C9orf78: variants seen among roughly 807,000 people sequenced by gnomAD.
C9orf78 encodes splicing factor C9orf78.
C9orf78 carries 19 observed loss-of-function variants against 37.4 expected under a neutral mutation model. The ratio of observed to expected loss-of-function variants is 0.51; its 90% confidence interval spans 0.35 to 0.74. C9orf78 has a LOEUF of 0.74. C9orf78 is among the 30% of genes least tolerant of loss of function. C9orf78 has a pLI of 0.01. For missense variants in C9orf78, 291 were observed against 370.8 expected, an observed-to-expected ratio of 0.78 and a Z score of 1.77; for synonymous variants, 130 against 128.0, an observed-to-expected ratio of 1.02 and a Z score of -0.10.
At chr9:129,829,761 GC>G in intron 6 of C9orf78, 1 of 472,196 alleles carries the variant, frequency 2.1e-6, no homozygotes, top group Admixed American at 3.7e-5. Context: ...AGCAAATTGA[GC>G]TTCAGAGAAG....
chr9:129,827,387 A>C lies in C9orf78; in HGVS notation c.*774T>G, dbSNP rs1445392831. On this transcript the variant is annotated 3_prime_UTR_variant, in exon 9 of 9. Coordinates refer to ENST00000372447, the MANE Select transcript of C9orf78 (RefSeq NM_016520.3). ...ACAAACAAGTAATTTTGTAAAAGTC[A>C]GAAAACACCAGTATCCTTCTGATCT... The C allele has an allele frequency of 5.9e-5, 9 of 152,184 alleles. No individual in the cohort carries two copies. The highest frequency in any genetic ancestry group is 5.9e-4 in the Admixed American group (9 of 15,260). The allele number at this position is 152,184 out of a possible 1,614,324, so 9.4% of individuals were successfully genotyped here. A position where few individuals can be genotyped will look rare whatever the true frequency, so the allele number is the denominator to read the frequency against.
intron 1 of C9orf78, 109 bp downstream of exon 1, chr9:129,835,030 C>G (rs1336270961): frequency 7.5e-6 from 7 of 932,362 alleles, no homozygotes; most frequent in Non-Finnish European, 1.2e-5. Flanking sequence ...CAGAAGGAAC[C>G]ACCACCCGAG....
At chr9:129,831,158 G>C in intron 5 of C9orf78, 90 bp from the exon 6 acceptor site, 1 of 802,338 alleles carries the variant, frequency 1.2e-6, no homozygotes, top group African/African-American at 1.7e-5. Context: ...CTGGCCCGCA[G>C]ACCAGTGACA....
At chr9:129,832,995 ATATGTGTGTGTGTGTGTGTG>A (rs1289079177) in intron 4 of C9orf78, among the ~76,000 whole-genome samples, 3 of 141,450 alleles carry the variant, frequency 2.1e-5, no homozygotes. Flanking sequence ...GTATATATAT[ATATGTGTGTGTGTGTGTGTG>A]TATATGTGTA....
chr9:129,834,786 C>T lies in C9orf78; in HGVS notation c.84-20G>A. On this transcript the variant is annotated intron_variant, in intron 1 of 8. Transcript: ENST00000372447. Reference sequence around the variant, plus strand: ...TTTAATCTTTAAAAAGAAGAAGAAGCAGCAATGCATAAGCTGAGTGATTCC... The same window carrying T: ...TTTAATCTTTAAAAAGAAGAAGAAGTAGCAATGCATAAGCTGAGTGATTCC... 2 of 1,576,696 alleles carry T rather than the reference C, an allele frequency of 1.3e-6. No individual in the cohort carries two copies. The highest frequency in any genetic ancestry group is 8.7e-7 in the Non-Finnish European group (1 of 1,148,068).
chr9:129,828,407 TTGTC>T, intron 8 of C9orf78, 155 bp from the exon 9 acceptor site: 1 of 454,000 alleles, frequency 2.2e-6, no homozygotes, highest in Non-Finnish European at 3.7e-6. Flanking sequence ...AGATACGTAT[TTGTC>T]TTTTTTTTTT....
Position 129,829,458 on chromosome 9 carries a change from T to C in C9orf78, c.626A>G (p.Glu209Gly), listed in dbSNP as rs2031434202. ...AEQQNKKKDS[E>G]TSFVPTNMAV... is the part of the protein sequence containing the mutation. ...CATGTTGGTAGGCACGAAGGAGGTCTCGCTGTCTTTCTTCTTGTTCTGCTG... is the reference window on the plus strand; with the variant it reads ...CATGTTGGTAGGCACGAAGGAGGTCCCGCTGTCTTTCTTCTTGTTCTGCTG... Residue 209 changes from glutamate to glycine, a missense_variant, in exon 7 of 9, where the codon GAG becomes GGG. Coordinates refer to ENST00000372447, the MANE Select transcript of C9orf78 (RefSeq NM_016520.3). 1.2e-6 allele frequency: 2 copies of C among 1,614,132 alleles called. No individual in the cohort carries two copies. Among genetic ancestry groups the C allele is most frequent in the Admixed American group, 1.7e-5 (1 of 60,018 alleles).
In C9orf78 at chr9:129,828,110, G is replaced by T; in HGVS notation, c.*51C>A. The T allele has an allele frequency of 9.0e-7, 1 of 1,107,244 alleles. No individual in the cohort carries two copies. Among genetic ancestry groups the T allele is most frequent in the Non-Finnish European group, 1.4e-6 (1 of 730,634 alleles). 68.6% of individuals were successfully genotyped at this position (1,107,244 alleles called of 1,614,324 possible). ...GCCCGGCCAGGAAGCCATTTTTCATGGGAGGGATATAGGGAGAGGAAGGCG... is the reference window on the plus strand; with the variant it reads ...GCCCGGCCAGGAAGCCATTTTTCATTGGAGGGATATAGGGAGAGGAAGGCG... On this transcript the variant is annotated 3_prime_UTR_variant, in exon 9 of 9. Transcript: ENST00000372447.
In C9orf78 at chr9:129,835,275, T is replaced by C. The variant is rs1166190836; in HGVS notation, c.-54A>G. The C allele has an allele frequency of 3.7e-6, 5 of 1,340,810 alleles. No individual in the cohort carries two copies. Among genetic ancestry groups the C allele is most frequent in the Non-Finnish European group, 5.2e-6 (5 of 962,066 alleles). The allele number at this position is 1,340,810 out of a possible 1,614,324, so 83.1% of individuals were successfully genotyped here. On this transcript the variant is annotated 5_prime_UTR_variant, in exon 1 of 9. Coordinates refer to ENST00000372447, the MANE Select transcript of C9orf78 (RefSeq NM_016520.3). The stretch of plus-strand genomic sequence containing the variant: ...CGCGCCTCTGCGCAGCGGCCCAGGC[T>C]GCTTCCGGCGCGCGGCAGAGCGGTC...
At chr9:129,834,410 T>C in intron 2 of C9orf78, 1 of 384,188 alleles carries the variant, frequency 2.6e-6, no homozygotes, top group Non-Finnish European at 4.6e-6. Context: ...ACTATACTTT[T>C]CTAAATTATA....
chr9:129,829,644 T>A, intron 6 of C9orf78, 103 bp from the exon 7 acceptor site: 2 of 968,316 alleles, frequency 2.1e-6, no homozygotes, highest in Non-Finnish European at 1.6e-6. Context: ...GAAAATCATG[T>A]GTCCTGGGGC....
chr9:129,832,727 C>A (rs1347689327), intron 4 of C9orf78, among the ~76,000 whole-genome samples: 1 of 152,168 alleles, frequency 6.6e-6, no homozygotes, highest in East Asian at 1.9e-4. Flanking sequence ...GCATGAGCCA[C>A]CGCAGCTGGC....
At position 129,830,957 on chromosome 9, in the gene C9orf78, G is replaced by GT. The variant is rs763642655; in HGVS notation, c.455dup (p.Asn152LysfsTer24). On this transcript the variant is annotated frameshift_variant, in exon 6 of 9. Transcript: ENST00000372447. LOFTEE classifies it high-confidence loss of function. ...TCTTCTTTGCTGAGGAAACACGGAT[G>GT]TTTTCTGGAAGTTCATAAAGACAGT... The GT allele has an allele frequency of 3.7e-5, 59 of 1,613,404 alleles. No homozygotes were observed. Among genetic ancestry groups the GT allele is most frequent in the Non-Finnish European group, 4.8e-5 (57 of 1,179,428 alleles).
intron 2 of C9orf78, 99 bp from the exon 3 acceptor site, chr9:129,833,808 T>G: frequency 9.0e-6 from 7 of 777,558 alleles, no homozygotes; most frequent in Admixed American, 2.2e-5. Flanking sequence ...GCAACATTAG[T>G]GCAAGGGTGG....
Position 129,833,720 on chromosome 9 carries a change from C to G in C9orf78, c.144-11G>C. The G allele has an allele frequency of 6.3e-7, 1 of 1,590,570 alleles. No homozygotes were observed. Among genetic ancestry groups the G allele is most frequent in the Non-Finnish European group, 8.6e-7 (1 of 1,168,482 alleles). On this transcript the variant is annotated splice_polypyrimidine_tract_variant and intron_variant, in intron 2 of 8. Transcript: ENST00000372447. Reference sequence around the variant, plus strand: ...AGCAAGGCCACAGCACTGAGCAAAACCAAAAAAAAAAGAGAGGGGGAGAGA... The same window carrying G: ...AGCAAGGCCACAGCACTGAGCAAAAGCAAAAAAAAAAGAGAGGGGGAGAGA...
intron 8 of C9orf78, 191 bp downstream of exon 8, chr9:129,829,014 A>T: frequency 1.5e-6 from 1 of 683,630 alleles, no homozygotes; most frequent in South Asian, 1.6e-5. Flanking sequence ...GGTAGGTTCT[A>T]TTAGGATTCC....
intron 2 of C9orf78, chr9:129,834,376 T>G: frequency 3.4e-6 from 1 of 294,282 alleles, no homozygotes; most frequent in Non-Finnish European, 6.2e-6. Context: ...GATGGGAGAA[T>G]TATGGGTGCT....
At chr9:129,832,624 C>A (rs118076137) in intron 4 of C9orf78, among the ~76,000 whole-genome samples, 2,742 of 152,130 alleles carry the variant, frequency 0.018, 35 homozygotes, top group Middle Eastern at 0.031. Context: ...TTTTTAATAG[C>A]GACAGTGTTT....
chr9:129,833,912 T>C, intron 2 of C9orf78: 2 of 583,172 alleles, frequency 3.4e-6, no homozygotes, highest in Admixed American at 3.1e-5. Context: ...AAGGGTGCGC[T>C]GGTGGTGAAG....
Sources: gnomAD v4.1 joint callset for allele counts (sites outside exome capture counted in the v4.1 genomes callset) on GRCh38, gnomAD v4.1.1 for gene constraint, MANE v1.5 for transcripts, NCBI Gene and HGNC (gene_info 2026-07-23, HGNC 2026-07-21) for gene names.